Variants in KLF12 observed in about 807,000 individuals in gnomAD.
KLF12 encodes KLF transcription factor 12, also known as Krueppel-like factor 12.
A neutral mutation model predicts 37.8 loss-of-function variants in KLF12; 9 were observed. That is an observed-to-expected ratio of 0.24 (90% confidence interval 0.14 to 0.42). KLF12 has a LOEUF of 0.42. KLF12 is among the 10% of genes least tolerant of loss of function. The pLI, the probability that KLF12 is intolerant of heterozygous loss-of-function variation, is 1.00. For missense variants in KLF12, 411 were observed against 516.0 expected (o/e 0.80, Z 1.97); for synonymous variants, 208 against 202.1 (o/e 1.03, Z -0.25).
At chr13:74,031,883 A>T (rs1433686651) in intron 1 of KLF12, among the ~76,000 whole-genome samples, 1 of 152,198 alleles carries the variant, frequency 6.6e-6, no homozygotes, top group East Asian at 1.9e-4. Context: ...TGTCGGGCTA[A>T]GCAACTAATT....
At chr13:74,162,761 C>A in the KLF12 span, among the ~76,000 whole-genome samples, 1 of 152,196 alleles carries the variant, frequency 6.6e-6, no homozygotes, top group South Asian at 2.1e-4. Flanking sequence ...AGCCCAGGTT[C>A]TTATGATTAT....
chr13:74,094,624 G>A (rs540240732), intron 1 of KLF12, among the ~76,000 whole-genome samples: 2 of 150,384 alleles, frequency 1.3e-5, no homozygotes, highest in East Asian at 3.9e-4. Context: ...TTTTGAGATG[G>A]AGTATCACTC....
At chr13:74,106,934 A>AT (rs1475142292) in intron 1 of KLF12, among the ~76,000 whole-genome samples, 3 of 152,150 alleles carry the variant, frequency 2.0e-5, no homozygotes, top group African/African-American at 7.2e-5. Context: ...GCTGTCTTAC[A>AT]TTTTTTGGGC....
At chr13:73,939,060 T>A (rs1890075507) in intron 3 of KLF12, among the ~76,000 whole-genome samples, 2 of 152,174 alleles carry the variant, frequency 1.3e-5, no homozygotes, top group African/African-American at 4.8e-5. Context: ...TTGCCGCTCT[T>A]CTCTGCCGGC....
At chr13:73,904,215 T>C (rs1888165443) in intron 3 of KLF12, among the ~76,000 whole-genome samples, 1 of 152,170 alleles carries the variant, frequency 6.6e-6, no homozygotes, top group African/African-American at 2.4e-5. Flanking sequence ...CTGTTAATTA[T>C]AGCTATTAAG....
At chr13:74,093,412 C>T (rs571146274) in intron 1 of KLF12, among the ~76,000 whole-genome samples, 9 of 152,182 alleles carry the variant, frequency 5.9e-5, no homozygotes, top group Middle Eastern at 3.4e-3. Flanking sequence ...ACCTGATCTC[C>T]GTTCCATATT....
chr13:74,118,523 A>C (rs1443400721), intron 1 of KLF12, among the ~76,000 whole-genome samples: 1 of 152,216 alleles, frequency 6.6e-6, no homozygotes, highest in Non-Finnish European at 1.5e-5. Context: ...CTTTCCATAC[A>C]TTATGTTAAT....
chr13:73,752,611 C>A (rs1878843696), intron 6 of KLF12, among the ~76,000 whole-genome samples: 1 of 152,138 alleles, frequency 6.6e-6, no homozygotes, highest in Non-Finnish European at 1.5e-5. Flanking sequence ...CAGAACGCAT[C>A]CTAGTTGCAT....
At chr13:73,899,852 C>T (rs1450678855) in intron 3 of KLF12, among the ~76,000 whole-genome samples, 1 of 152,144 alleles carries the variant, frequency 6.6e-6, no homozygotes, top group Non-Finnish European at 1.5e-5. Flanking sequence ...ATACCACTAA[C>T]TTACCTGGTT....
chr13:74,135,533 G>T (rs1023519093), upstream of KLF12, among the ~76,000 whole-genome samples: 3 of 151,342 alleles, frequency 2.0e-5, no homozygotes, highest in African/African-American at 7.3e-5. Flanking sequence ...CTCGGAGGGC[G>T]CGGGGTCAGC....
intron 3 of KLF12, among the ~76,000 whole-genome samples, chr13:73,917,782 C>A (rs1888914838): frequency 6.6e-6 from 1 of 152,154 alleles, no homozygotes; most frequent in African/African-American, 2.4e-5. Flanking sequence ...TTGGAGATTA[C>A]AGATTATGTA....
At position 73,987,101 on chromosome 13, in the gene KLF12, C is replaced by T. The variant is rs770358028; in HGVS notation, c.33+7889G>A. On this transcript the variant is annotated intron_variant, in intron 2 of 7. Coordinates refer to ENST00000377669, the MANE Select transcript of KLF12 (RefSeq NM_007249.5). ...GTTAAATATGAATAATCAATTGATT[C>T]TTAAATTGGAATTTTGAGAAACTTA... is the stretch of plus-strand genomic sequence containing the variant. Among the ~76,000 whole-genome samples, 35 of 152,188 alleles carry T rather than the reference C, an allele frequency of 2.3e-4. 1 individual carries two copies. Among genetic ancestry groups the T allele is most frequent in the Non-Finnish European group, 1.6e-4 (11 of 68,000 alleles).
chr13:74,138,751 A>T (rs1000406575), upstream of KLF12, among the ~76,000 whole-genome samples: 1 of 152,068 alleles, frequency 6.6e-6, no homozygotes, highest in Non-Finnish European at 1.5e-5. Flanking sequence ...CTCTGCATCT[A>T]GCCCCCTTTC....
chr13:74,117,245 G>T (rs147407584), intron 1 of KLF12, among the ~76,000 whole-genome samples: 1 of 152,192 alleles, frequency 6.6e-6, no homozygotes, highest in Non-Finnish European at 1.5e-5. Context: ...GGCTGATTTG[G>T]TAGCTGTGGC....
intron 6 of KLF12, among the ~76,000 whole-genome samples, chr13:73,753,528 G>A (rs1878931232): frequency 6.6e-6 from 1 of 152,128 alleles, no homozygotes. Flanking sequence ...AGAAGTGGGG[G>A]CCGCATTTGT....
chr13:74,022,200 G>A (rs935791726), intron 1 of KLF12, among the ~76,000 whole-genome samples: 46 of 152,028 alleles, frequency 3.0e-4, no homozygotes, highest in African/African-American at 1.1e-3. Context: ...TAACACCACA[G>A]GCACAACCCA....
At chr13:73,892,863 G>T (rs1887577297) in intron 3 of KLF12, among the ~76,000 whole-genome samples, 2 of 152,112 alleles carry the variant, frequency 1.3e-5, no homozygotes, top group African/African-American at 4.8e-5. Context: ...GGTGGGTAGG[G>T]TGAAGCTACT....
chr13:73,788,468 A>C (rs1318131208), intron 5 of KLF12, among the ~76,000 whole-genome samples: 1 of 152,166 alleles, frequency 6.6e-6, no homozygotes, highest in South Asian at 2.1e-4. Flanking sequence ...TCTCAAATGC[A>C]TGTAGGCAGC....
the KLF12 span, among the ~76,000 whole-genome samples, chr13:74,219,741 A>G: frequency 6.6e-6 from 1 of 152,222 alleles, no homozygotes; most frequent in Non-Finnish European, 1.5e-5. Flanking sequence ...ACATTAGCCC[A>G]TTGAAGGAAA....
Sources: allele counts gnomAD v4.1 joint callset (sites outside exome capture counted in the v4.1 genomes callset), GRCh38; gene constraint gnomAD v4.1.1; transcripts MANE v1.5; gene names NCBI Gene and HGNC (gene_info 2026-07-23, HGNC 2026-07-21).